The following RGS12 variants were observed in gnomAD, a reference collection of about 807,000 sequenced individuals.
RGS12 encodes regulator of G-protein signaling 12.
Under a neutral mutation model 120.1 loss-of-function variants are expected in RGS12, and 66 were observed. That is an observed-to-expected ratio of 0.55 (90% CI 0.45 to 0.67). RGS12 has a LOEUF of 0.67. RGS12 is among the 30% of genes least tolerant of loss of function. The pLI is 0.00. For missense variants in RGS12, 1,859 were observed against 1,957.7 expected (o/e 0.95, Z 0.95); for synonymous variants, 827 against 804.7 (o/e 1.03, Z -0.47).
intron 4 of RGS12, among the ~76,000 whole-genome samples, chr4:3,401,029 T>C (rs1332242983): frequency 6.6e-6 from 1 of 152,142 alleles, no homozygotes; most frequent in East Asian, 1.9e-4. Context: ...AATAATATTA[T>C]TATCTAACTA....
At chr4:3,338,932 C>T (rs1326666481) in intron 2 of RGS12, among the ~76,000 whole-genome samples, 1 of 152,148 alleles carries the variant, frequency 6.6e-6, no homozygotes, top group Admixed American at 6.5e-5. Context: ...AAAACTTTGT[C>T]AATTTGAGAA....
intron 1 of RGS12, among the ~76,000 whole-genome samples, chr4:3,300,845 C>T (rs563920853): frequency 6.6e-6 from 1 of 152,240 alleles, no homozygotes; most frequent in Non-Finnish European, 1.5e-5. Context: ...ATCATTGCCT[C>T]ATCTCAGAAT....
intron 3 of RGS12, among the ~76,000 whole-genome samples, chr4:3,381,736 A>G (rs1178400247): frequency 1.3e-5 from 2 of 152,224 alleles, no homozygotes; most frequent in Non-Finnish European, 1.5e-5. Flanking sequence ...GAACTACAAG[A>G]TGAGATTTCG....
upstream of RGS12, among the ~76,000 whole-genome samples, chr4:3,288,047 G>A (rs752683897): frequency 6.1e-4 from 93 of 152,238 alleles, no homozygotes; most frequent in Non-Finnish European, 3.5e-4. The surrounding 1 kb of genome is among the most constrained non-coding windows in gnomAD (Gnocchi z 5.2). Context: ...TGGCCGAGCC[G>A]TCGAGAGACA....
chr4:3,302,111 G>C (rs1723717992), intron 1 of RGS12, among the ~76,000 whole-genome samples: 1 of 152,156 alleles, frequency 6.6e-6, no homozygotes, highest in African/African-American at 2.4e-5. Context: ...AATACAAATG[G>C]AAAGGAAGAA....
chr4:3,316,453 A>G lies in RGS12; in HGVS notation c.283A>G (p.Ile95Val), dbSNP rs2110403932. Residue 95 changes from isoleucine to valine, a missense_variant, in exon 2 of 18, where the codon ATT (isoleucine) becomes GTT (valine). Around this residue, in one of 3 missense-constraint regions of RGS12, gnomAD observed 967 missense variants for 994.2 expected, o/e 0.97. Transcript: ENST00000336727. ...GKCSGVLHMVIAEGVGRFESC... is the reference protein window; with the variant it reads ...GKCSGVLHMVVAEGVGRFESC... The stretch of plus-strand genomic sequence containing the variant: ...GTGCTCTGGTGTCCTTCACATGGTG[A>G]TTGCTGAAGGCGTCGGCCGCTTCGA... 21 of 1,614,192 alleles carry G rather than the reference A, an allele frequency of 1.3e-5. No individual in the cohort carries two copies. The highest frequency in any genetic ancestry group is 1.8e-5 in the Non-Finnish European group (21 of 1,180,050).
At chr4:3,431,416 C>G in intron 17 of RGS12, 1 of 999,906 alleles carries the variant, frequency 1.0e-6, no homozygotes, top group Non-Finnish European at 1.2e-6. Flanking sequence ...CTCCCAGACA[C>G]AGGCCCGTCC....
chr4:3,432,302 T>C, intron 17 of RGS12: 3 of 527,014 alleles, frequency 5.7e-6, no homozygotes, highest in Non-Finnish European at 7.3e-6. Flanking sequence ...CGTAATCTAC[T>C]GGCTTTTAAA....
At chr4:3,287,015 C>T in the RGS12 span, among the ~76,000 whole-genome samples, 3 of 152,138 alleles carry the variant, frequency 2.0e-5, no homozygotes, top group African/African-American at 7.2e-5. Context: ...TTGGGGCCAG[C>T]ATCAGCTTTG....
chr4:3,380,368 C>G (rs1718132586), intron 3 of RGS12, among the ~76,000 whole-genome samples: 1 of 152,214 alleles, frequency 6.6e-6, no homozygotes, highest in South Asian at 2.1e-4. Context: ...GTGCATGATG[C>G]AAGCTGTTGG....
chr4:3,373,578 C>T (rs1012912704), intron 3 of RGS12, among the ~76,000 whole-genome samples: 1 of 152,242 alleles, frequency 6.6e-6, no homozygotes, highest in Non-Finnish European at 1.5e-5. Context: ...AAATGGCCCT[C>T]GTGTGCCCAT....
chr4:3,395,867 A>G lies in RGS12; in HGVS notation c.2020+9430A>G, dbSNP rs151185433. On this transcript the variant is annotated intron_variant, in intron 4 of 17. Transcript: ENST00000336727. ...AGTTTTCCCTTAGTGTCTCTAGGGA[A>G]TTGGTTCCAAGACCCCTTGAGGATA... Among the ~76,000 whole-genome samples, 96 of 152,286 alleles carry G rather than the reference A, an allele frequency of 6.3e-4. 1 individual carries two copies. Among genetic ancestry groups the G allele is most frequent in the Admixed American group, 1.6e-3 (25 of 15,294 alleles).
intron 17 of RGS12, among the ~76,000 whole-genome samples, chr4:3,438,538 C>A (rs1560187129): frequency 6.6e-6 from 1 of 152,092 alleles, no homozygotes; most frequent in South Asian, 2.1e-4. Context: ...TGAACCCAGC[C>A]ATTCTGCGTG....
At chr4:3,350,832 G>T (rs1714282919) in intron 3 of RGS12, among the ~76,000 whole-genome samples, 1 of 152,162 alleles carries the variant, frequency 6.6e-6, no homozygotes, top group Admixed American at 6.5e-5. Context: ...AACTATGTCA[G>T]ATTTTATCAT....
At chr4:3,413,053 ACGGGGGCGCCCCCACAC>A (rs1260899870) in intron 4 of RGS12, 1 of 36,772 alleles carries the variant, frequency 2.7e-5, no homozygotes. Flanking sequence ...GTCAGGAGGG[ACGGGGGCGCCCCCACAC>A]TGCTCACGTC....
At position 3,317,970 on chromosome 4, in the gene RGS12, G is replaced by A. The variant is rs779402269; in HGVS notation, c.1800G>A (p.Arg600=). 6.2e-7 allele frequency: 1 copy of A among 1,612,790 alleles called. No homozygotes were observed. Among genetic ancestry groups the A allele is most frequent in the African/African-American group, 1.3e-5 (1 of 74,650 alleles). Residue 600 remains arginine (R), a synonymous_variant, in exon 2 of 18, where the codon AGG becomes AGA. Coordinates refer to ENST00000336727, the MANE Select transcript of RGS12 (RefSeq NM_001394154.1). ...AGCCCCCGCTGAATGCCCCGAAGAGGGAGTGGTCCAGGAAGGCCTTTGGAA... is the reference window on the plus strand; with the variant it reads ...AGCCCCCGCTGAATGCCCCGAAGAGAGAGTGGTCCAGGAAGGCCTTTGGAA... ...FAQPPLNAPK[R]EWSRKAFGMQ...
Position 3,404,654 on chromosome 4 carries a change from C to T in RGS12, c.2021-9418C>T, listed in dbSNP as rs180894371. Among the ~76,000 whole-genome samples, 9 of 152,278 alleles carry T rather than the reference C, an allele frequency of 5.9e-5. No homozygotes were observed. The East Asian group carries it at 7.7e-4, about 13-fold the overall frequency. Reference sequence around the variant, plus strand: ...TGGCATTGGAGGCGTCAGTATGAACCGATGGCTTTCAATAGAGGGATGTGT... The same window carrying T: ...TGGCATTGGAGGCGTCAGTATGAACTGATGGCTTTCAATAGAGGGATGTGT... On this transcript the variant is annotated intron_variant, in intron 4 of 17. Transcript: ENST00000336727.
At chr4:3,395,729 G>A (rs1719984448) in intron 4 of RGS12, among the ~76,000 whole-genome samples, 1 of 152,108 alleles carries the variant, frequency 6.6e-6, no homozygotes, top group Admixed American at 6.5e-5. Context: ...TTTGTGAAGT[G>A]CTTGTTCAAG....
chr4:3,436,574 C>T lies in RGS12; in HGVS notation c.4115-2881C>T, dbSNP rs574622280. Among the ~76,000 whole-genome samples the T allele has an allele frequency of 1.2e-3, 182 of 152,300 alleles. 1 individual carries two copies. The highest frequency in any genetic ancestry group is 1.5e-3 in the Non-Finnish European group (100 of 68,016). ...AGCCTGGGAGAGTTCAGGCCATGCC[C>T]CTGCCCCGGCCAGGCCAGTGCAGCC... On this transcript the variant is annotated intron_variant, in intron 17 of 17. Transcript: ENST00000336727.
Sources: allele counts gnomAD v4.1 joint callset (sites outside exome capture counted in the v4.1 genomes callset), GRCh38; gene constraint gnomAD v4.1.1; regional missense constraint gnomAD v4.1.1; non-coding constraint Gnocchi (gnomAD v3.1); transcripts MANE v1.5; gene names NCBI Gene and HGNC (gene_info 2026-07-23, HGNC 2026-07-21).